Variants in SLC38A11 observed in about 807,000 individuals in gnomAD.
The protein encoded by SLC38A11 is putative sodium-coupled neutral amino acid transporter 11.
SLC38A11 carries 51 observed loss-of-function variants against 49.4 expected under a neutral mutation model. The ratio of observed to expected loss-of-function variants is 1.03; its 90% CI spans 0.83 to 1.30. SLC38A11 has a LOEUF of 1.30. Among genes scored for constraint, SLC38A11 ranks in the 50% most tolerant of loss-of-function variants. SLC38A11 has a pLI of 0.00. For synonymous variants in SLC38A11, 203 were observed against 192.9 expected (o/e 1.05, Z -0.43); for missense variants, 574 against 556.2 (o/e 1.03, Z -0.32).
chr2:164,945,855 C>T, intron 3 of SLC38A11, 128 bp from the exon 4 acceptor site: 1 of 944,976 alleles, frequency 1.1e-6, no homozygotes, highest in Non-Finnish European at 1.6e-6. Flanking sequence ...GCAGTATTAG[C>T]AGAGCCAGGC....
Position 164,898,660 on chromosome 2 carries a change from G to C in SLC38A11, c.1166C>G (p.Pro389Arg). Reference protein sequence around the residue: ...SACYLKLSEEPRTHSDKIMSC... With the variant: ...SACYLKLSEERRTHSDKIMSC... ...CATAATCTTATCGGAGTGTGTCCTT[G>C]GTTCTTCAGACAGTTTCAGATAACA... The change falls in exon 12 of 12, where the codon CCA becomes CGA. Residue 389 changes from proline to arginine, a missense_variant. Physicochemically the swap from Pro to Arg is moderately radical, Grantham distance 103. Coordinates refer to ENST00000685975, the MANE Select transcript of SLC38A11 (RefSeq NM_001351537.2). The C allele has an allele frequency of 6.2e-7, 1 of 1,613,418 alleles. No homozygotes were observed. The highest frequency in any genetic ancestry group is 8.5e-7 in the Non-Finnish European group (1 of 1,179,664).
chr2:164,906,240 A>G (rs981567148), intron 11 of SLC38A11, among the ~76,000 whole-genome samples: 1 of 152,234 alleles, frequency 6.6e-6, no homozygotes, highest in African/African-American at 2.4e-5. Context: ...AAACAGGAAA[A>G]AACAGGGCTT....
intron 7 of SLC38A11, among the ~76,000 whole-genome samples, chr2:164,925,586 A>G (rs1431684084): frequency 6.6e-6 from 1 of 152,152 alleles, no homozygotes; most frequent in African/African-American, 2.4e-5. Context: ...AAATGAGGAT[A>G]TATTTAAAAT....
chr2:164,917,372 T>C (rs1284113371), intron 7 of SLC38A11, among the ~76,000 whole-genome samples: 1 of 152,156 alleles, frequency 6.6e-6, no homozygotes, highest in Non-Finnish European at 1.5e-5. Context: ...TTTTCCCATA[T>C]ATGAAACGAG....
intron 5 of SLC38A11, among the ~76,000 whole-genome samples, chr2:164,942,291 C>T (rs930926923): frequency 6.6e-6 from 1 of 151,376 alleles, no homozygotes; most frequent in African/African-American, 2.4e-5. Context: ...TCTACAAAAC[C>T]GGGCGTGGTG....
intron 7 of SLC38A11, chr2:164,921,956 T>G (rs956256277): frequency 1.3e-5 from 2 of 152,138 alleles, no homozygotes; most frequent in Non-Finnish European, 2.9e-5. Flanking sequence ...TTTATGGGGG[T>G]TGTGGTTGGA....
Position 164,954,756 on chromosome 2 carries a change from A to C in SLC38A11, c.40-11T>G. The C allele has an allele frequency of 7.2e-7, 1 of 1,392,396 alleles. No homozygotes were observed. Among genetic ancestry groups the C allele is most frequent in the Non-Finnish European group, 9.8e-7 (1 of 1,023,376 alleles). The allele number at this position is 1,392,396 out of a possible 1,614,324, so 86.3% of individuals were successfully genotyped here. On this transcript the variant is annotated splice_polypyrimidine_tract_variant and intron_variant, in intron 1 of 11. Coordinates refer to ENST00000685975, the MANE Select transcript of SLC38A11 (RefSeq NM_001351537.2). ...GTCATCTAAATCTCTCTAATAGATA[A>C]AATAGCAATTATAAGCAAATACTAG...
At chr2:164,937,947 T>C (rs993538081) in intron 6 of SLC38A11, among the ~76,000 whole-genome samples, 4 of 151,924 alleles carry the variant, frequency 2.6e-5, no homozygotes, top group African/African-American at 9.7e-5. Flanking sequence ...TTTTCCTACC[T>C]GGTTTTGCCC....
At chr2:164,899,183 T>C (rs944371141) in intron 11 of SLC38A11, among the ~76,000 whole-genome samples, 1 of 152,276 alleles carries the variant, frequency 6.6e-6, no homozygotes, top group African/African-American at 2.4e-5. Flanking sequence ...GGGGCCACAA[T>C]GTCTGTCTTC....
intron 11 of SLC38A11, among the ~76,000 whole-genome samples, chr2:164,899,696 G>A (rs905948304): frequency 7.2e-5 from 11 of 152,008 alleles, no homozygotes; most frequent in East Asian, 3.9e-4. Flanking sequence ...GTATATTTGA[G>A]GTTTATAACC....
chr2:164,943,815 AT>A (rs1397674457), intron 5 of SLC38A11, among the ~76,000 whole-genome samples: 1 of 152,126 alleles, frequency 6.6e-6, no homozygotes, highest in Admixed American at 6.6e-5. Flanking sequence ...CCATGCTTAT[AT>A]GACTATATGC....
At position 164,921,136 on chromosome 2, in the gene SLC38A11, GT is replaced by G. The variant is rs546876465; in HGVS notation, c.618-5164del. Among the ~76,000 whole-genome samples, 18 of 152,234 alleles carry G rather than the reference GT, an allele frequency of 1.2e-4. No homozygotes were observed. The South Asian group carries it at 3.1e-3, about 26-fold the overall frequency. ...TGAGAGAGCTAAATCTTCATCTACT[GT>G]AAGAGAAGATAACAGTGAGACACCA... On this transcript the variant is annotated intron_variant, in intron 7 of 11. Transcript: ENST00000685975.
intron 7 of SLC38A11, among the ~76,000 whole-genome samples, chr2:164,930,707 G>A (rs554052701): frequency 3.3e-5 from 5 of 151,870 alleles, no homozygotes; most frequent in East Asian, 1.9e-4. Flanking sequence ...ATTCAACACC[G>A]CTTCACGTTA....
rs1468185401 is a variant in SLC38A11, at chr2:164,895,536, T to C, written c.*2901A>G. 2.0e-5 allele frequency: 3 copies of C among 152,200 alleles called. No individual in the cohort carries two copies. Among genetic ancestry groups the C allele is most frequent in the African/African-American group, 7.2e-5 (3 of 41,454 alleles). 9.4% of individuals were successfully genotyped at this position (152,200 alleles called of 1,614,324 possible). The stretch of plus-strand genomic sequence containing the variant: ...TCTCTTCAATAAATGTATCTTTAAT[T>C]AAGTAGATGTGTATAGTATGACTTC... On this transcript the variant is annotated 3_prime_UTR_variant, in exon 12 of 12. Coordinates refer to ENST00000685975, the MANE Select transcript of SLC38A11 (RefSeq NM_001351537.2).
In SLC38A11 at chr2:164,947,117, C is replaced by CTTTTTTTTTTTT. The variant is rs200284770; in HGVS notation, c.230-1402_230-1391dup. Among the ~76,000 whole-genome samples the CTTTTTTTTTTTT allele has an allele frequency of 1.2e-3, 84 of 72,886 alleles. 12 individuals carry two copies. The highest frequency in any genetic ancestry group is 3.9e-3 in the African/African-American group (51 of 12,972). 47.8% of individuals were successfully genotyped at this position (72,886 alleles called of 152,430 possible). A position where few individuals can be genotyped will look rare whatever the true frequency, so the allele number is the denominator to read the frequency against. Reference sequence around the variant, plus strand: ...CCTGGATTCTTGGACTTTTTTATCTCTTTTTTTTTTTTTTTTTTTTTTTTT... The same window carrying CTTTTTTTTTTTT: ...CCTGGATTCTTGGACTTTTTTATCTCTTTTTTTTTTTTTTTTTTTTTTTTTTTTTTTTTTTTT... On this transcript the variant is annotated intron_variant, in intron 3 of 11. Transcript: ENST00000685975.
intron 11 of SLC38A11, among the ~76,000 whole-genome samples, chr2:164,905,906 A>G (rs1396052034): frequency 6.6e-6 from 1 of 152,204 alleles, no homozygotes; most frequent in Non-Finnish European, 1.5e-5. Context: ...CTTTAATACC[A>G]GAATTCTGTA....
chr2:164,932,956 C>T (rs1340555169), intron 7 of SLC38A11, among the ~76,000 whole-genome samples: 1 of 152,076 alleles, frequency 6.6e-6, no homozygotes, highest in African/African-American at 2.4e-5. Context: ...TCTGTCTTTA[C>T]CCATTTTTAA....
chr2:164,921,056 CTT>C (rs546005023), intron 7 of SLC38A11, among the ~76,000 whole-genome samples: 11 of 150,908 alleles, frequency 7.3e-5, no homozygotes, highest in African/African-American at 1.5e-4. Context: ...GAAACATAAA[CTT>C]AATTTTAAAA....
Position 164,898,391 on chromosome 2 carries a change from G to A in SLC38A11, c.*46C>T. 1 of 1,310,768 alleles carries A rather than the reference G, an allele frequency of 7.6e-7. No homozygotes were observed. The allele number at this position is 1,310,768 out of a possible 1,614,324, so 81.2% of individuals were successfully genotyped here. ...AGACTAAAGCAAGCGTAAATGTTAT[G>A]TGTTTTAAAGTCTATGAAAACATAC... On this transcript the variant is annotated 3_prime_UTR_variant, in exon 12 of 12. Transcript: ENST00000685975.
Sources: gnomAD v4.1 joint callset for allele counts (sites outside exome capture counted in the v4.1 genomes callset) on GRCh38, gnomAD v4.1.1 for gene constraint, MANE v1.5 for transcripts, NCBI Gene and HGNC (gene_info 2026-07-23, HGNC 2026-07-21) for gene names.